Variants in DNAH8 observed in about 807,000 individuals in gnomAD.
DNAH8 encodes dynein axonemal heavy chain 8, also known as axonemal beta dynein heavy chain 8.
A neutral mutation model predicts 562.1 loss-of-function variants in DNAH8; 382 were observed. The observed-to-expected ratio is 0.68, with a 90% confidence interval of 0.63 to 0.74. The LOEUF is 0.74. Among genes scored for constraint, DNAH8 ranks in the 30% least tolerant of loss-of-function variants. The probability of loss-of-function intolerance (pLI) is 0.00; values close to 1 mark genes in which losing one functional copy is unlikely to be tolerated. For missense variants in DNAH8, 5,203 were observed against 5,620.4 expected, an observed-to-expected ratio of 0.93 and a Z score of 2.37; for synonymous variants, 1,881 against 1,919.4, an observed-to-expected ratio of 0.98 and a Z score of 0.52.
chr6:38,807,915 A>G (rs961223863), intron 24 of DNAH8, among the ~76,000 whole-genome samples, 199 bp downstream of exon 24: 9 of 152,220 alleles, frequency 5.9e-5, no homozygotes, highest in African/African-American at 1.7e-4. Flanking sequence ...CCTGAGACAA[A>G]AAAAGGCTAC....
chr6:38,863,857 CTG>C lies in DNAH8; in HGVS notation c.6311-14_6311-13del. ...TATAGAGTAAAACTTTACAAATTAA[CTG>C]TTTTTCATGCCAGGTCTTGCACAGT... On this transcript the variant is annotated splice_polypyrimidine_tract_variant and intron_variant, in intron 44 of 92. Coordinates refer to ENST00000327475, the MANE Select transcript of DNAH8 (RefSeq NM_001206927.2). 1 of 1,568,048 alleles carries C rather than the reference CTG, an allele frequency of 6.4e-7. No individual in the cohort carries two copies. Among genetic ancestry groups the C allele is most frequent in the Non-Finnish European group, 8.6e-7 (1 of 1,164,894 alleles).
intron 88 of DNAH8, among the ~76,000 whole-genome samples, chr6:38,999,800 T>C (rs1353607843): frequency 1.3e-5 from 2 of 151,516 alleles, no homozygotes; most frequent in African/African-American, 2.4e-5. Flanking sequence ...CTAATATCTA[T>C]AGATGTATTT....
chr6:38,723,136 C>G lies in DNAH8; in HGVS notation c.327C>G (p.Ser109=). 1 of 1,612,746 alleles carries G rather than the reference C, an allele frequency of 6.2e-7. No individual in the cohort carries two copies. Among genetic ancestry groups the G allele is most frequent in the Non-Finnish European group, 8.5e-7 (1 of 1,179,892 alleles). ...TGTCCTTGCCGTCTTCCCGGAGGTC[C>G]TCCAGATACCGCCGGAGTATGAGTG... ...EVLSLPSSRR[S]SRYRRSMSGL... Residue 109 remains serine, a synonymous_variant, in exon 2 of 93, where the codon TCC becomes TCG. Transcript: ENST00000327475.
At chr6:39,018,633 C>T (rs893404855) in intron 91 of DNAH8, among the ~76,000 whole-genome samples, 2 of 152,220 alleles carry the variant, frequency 1.3e-5, no homozygotes, top group African/African-American at 4.8e-5. Context: ...GCCCATCTTC[C>T]TCCTGAGTCA....
At chr6:38,879,724 TG>T (rs34360817) in intron 53 of DNAH8, among the ~76,000 whole-genome samples, 4 of 151,970 alleles carry the variant, frequency 2.6e-5, no homozygotes, top group African/African-American at 9.7e-5. Flanking sequence ...GCCAGTGCAG[TG>T]GGGGGCAAAT....
rs570110897 is a variant in DNAH8, at chr6:39,020,735, T to C, written c.13715-5811T>C. On this transcript the variant is annotated intron_variant, in intron 91 of 92. Coordinates refer to ENST00000327475, the MANE Select transcript of DNAH8 (RefSeq NM_001206927.2). ...TCCCTGTGTCCATGTGTTCTCATTG[T>C]TCAACTCTTACTTGTGAGTGAGAAC... 1.6e-4 allele frequency among the ~76,000 whole-genome samples: 25 copies of C among 152,290 alleles called. 1 individual carries two copies. In the East Asian group the frequency reaches 4.8e-3, roughly 29 times the overall value.
rs1393982368 is a variant in DNAH8, at chr6:39,030,379, G to A, written c.14111G>A (p.Cys4704Tyr). ...HWILRGVALL[C>Y]DIK ...ATCCTGAGAGGAGTGGCCCTTTTGTGTGACATCAAGTAAGTTCATTTCCAT... is the reference window on the plus strand; with the variant it reads ...ATCCTGAGAGGAGTGGCCCTTTTGTATGACATCAAGTAAGTTCATTTCCAT... The change falls in exon 93 of 93, where the codon TGT (cysteine) becomes TAT (tyrosine). Residue 4704 changes from cysteine (C) to tyrosine (Y), a missense_variant. By Grantham distance (194) the Cys-to-Tyr change is radical. Around this residue, in one of 6 missense-constraint regions of DNAH8, gnomAD observed 1,399 missense variants for 1,518.4 expected, o/e 0.92. Coordinates refer to ENST00000327475, the MANE Select transcript of DNAH8 (RefSeq NM_001206927.2). The A allele has an allele frequency of 6.2e-7, 1 of 1,613,776 alleles. No homozygotes were observed. The highest frequency in any genetic ancestry group is 1.7e-5 in the Admixed American group (1 of 60,016).
chr6:38,715,928 AT>A (rs1257127588), intron 1 of DNAH8, among the ~76,000 whole-genome samples: 1,106 of 27,962 alleles, frequency 0.04, 94 homozygotes, highest in Non-Finnish European at 0.049. Flanking sequence ...ATAAATAAAT[AT>A]ATATATATAT....
At chr6:38,962,176 A>C (rs1028391629) in intron 82 of DNAH8, among the ~76,000 whole-genome samples, 2 of 152,130 alleles carry the variant, frequency 1.3e-5, no homozygotes, top group Non-Finnish European at 2.9e-5. Flanking sequence ...CCACATTCCC[A>C]GTATAGAGAT....
chr6:38,922,641 G>A (rs530177754), intron 71 of DNAH8, among the ~76,000 whole-genome samples: 6 of 152,042 alleles, frequency 3.9e-5, no homozygotes, highest in East Asian at 3.9e-4. Context: ...GATACAAGCC[G>A]GCTGCTACAT....
rs1775245187 is a variant in DNAH8 at position 38,845,736 on chromosome 6, G to A, written c.5008G>A (p.Asp1670Asn). 6.2e-7 allele frequency: 1 copy of A among 1,613,744 alleles called. No homozygotes were observed. Among genetic ancestry groups the A allele is most frequent in the South Asian group, 1.1e-5 (1 of 91,060 alleles). Residue 1670 changes from aspartate to asparagine, a missense_variant, in exon 36 of 93, where the codon GAT becomes AAT. Asp to Asn is a conservative substitution (Grantham distance 23, BLOSUM62 1). Around this residue, in one of 6 missense-constraint regions of DNAH8, gnomAD observed 2,176 missense variants for 2,365.1 expected, o/e 0.92. Coordinates refer to ENST00000327475, the MANE Select transcript of DNAH8 (RefSeq NM_001206927.2). ...ESGEIITLMEDSLMVLGSLLS... is the reference protein window; with the variant it reads ...ESGEIITLMENSLMVLGSLLS... ...GGGAGAAATTATCACTTTGATGGAG[G>A]ATAGTTTAATGGTCTTAGGGTCTTT...
intron 4 of DNAH8, among the ~76,000 whole-genome samples, chr6:38,732,477 A>G (rs1177593596): frequency 6.6e-6 from 1 of 152,174 alleles, no homozygotes; most frequent in East Asian, 1.9e-4. Flanking sequence ...GCTACGTACC[A>G]TGTATCAGGG....
At chr6:38,956,181 CAGACTGGGAGTCTGAGCCT>C (rs1762230515) in intron 82 of DNAH8, among the ~76,000 whole-genome samples, 1 of 152,224 alleles carries the variant, frequency 6.6e-6, no homozygotes, top group Non-Finnish European at 1.5e-5. Context: ...TCATATCTAG[CAGACTGGGAGTCTGAGCCT>C]CCATGAAGGG....
At chr6:38,723,578 G>T (rs1762954655) in intron 3 of DNAH8, 107 bp downstream of exon 3, 1 of 1,407,680 alleles carries the variant, frequency 7.1e-7, no homozygotes, top group Non-Finnish European at 9.6e-7. Context: ...AAATCATTCA[G>T]AAAGACAAAG....
chr6:38,741,470 A>T (rs1439161280), intron 7 of DNAH8, among the ~76,000 whole-genome samples: 1 of 152,040 alleles, frequency 6.6e-6, no homozygotes, highest in African/African-American at 2.4e-5. Flanking sequence ...ACCAAAAAAA[A>T]AAACCCAAAA....
chr6:38,973,531 C>T (rs1763473918), intron 83 of DNAH8, 130 bp from the exon 84 acceptor site: 2 of 620,492 alleles, frequency 3.2e-6, no homozygotes, highest in Admixed American at 7.4e-5. Flanking sequence ...ATTGTATTGA[C>T]ATATAATTTT....
At chr6:39,026,424 C>A in intron 91 of DNAH8, 122 bp from the exon 92 acceptor site, 2 of 1,048,632 alleles carry the variant, frequency 1.9e-6, no homozygotes, top group Non-Finnish European at 2.7e-6. Flanking sequence ...TTGGCCTCAA[C>A]TCCTTTTGAG....
At chr6:39,020,545 C>T (rs1040042985) in intron 91 of DNAH8, among the ~76,000 whole-genome samples, 3 of 151,988 alleles carry the variant, frequency 2.0e-5, no homozygotes, top group African/African-American at 2.4e-5. Context: ...CTTTAAGTTC[C>T]GGGATACATG....
At chr6:38,815,419 T>A in intron 25 of DNAH8, 49 bp from the exon 26 acceptor site, 7 of 1,461,946 alleles carry the variant, frequency 4.8e-6, no homozygotes, top group Non-Finnish European at 6.6e-6. Flanking sequence ...AATTGAGGGA[T>A]GGACTGTATG....
Sources: allele counts gnomAD v4.1 joint callset (sites outside exome capture counted in the v4.1 genomes callset), GRCh38; gene constraint gnomAD v4.1.1; regional missense constraint gnomAD v4.1.1; transcripts MANE v1.5; gene names NCBI Gene and HGNC (gene_info 2026-07-23, HGNC 2026-07-21).